CNTNAP4: variants seen among roughly 807,000 people sequenced by gnomAD.
CNTNAP4 encodes contactin associated protein family member 4, also known as contactin-associated protein-like 4.
CNTNAP4 carries 98 observed loss-of-function variants against 148.4 expected under a neutral mutation model. The observed-to-expected ratio is 0.66, with a 90% CI of 0.56 to 0.78. The LOEUF is 0.78. Among genes scored for constraint, CNTNAP4 ranks in the 30% least tolerant of loss-of-function variants. The probability of loss-of-function intolerance (pLI) is 0.00; values close to 1 mark genes in which losing one functional copy is unlikely to be tolerated. For synonymous variants in CNTNAP4, 730 were observed against 565.1 expected (o/e 1.29, Z -4.14); for missense variants, 1,935 against 1,565.6 (o/e 1.24, Z -3.98).
At chr16:76,345,849 T>A (rs1351661057) in intron 2 of CNTNAP4, among the ~76,000 whole-genome samples, 1 of 152,170 alleles carries the variant, frequency 6.6e-6, no homozygotes, top group African/African-American at 2.4e-5. Context: ...GGTCAGGAGC[T>A]TAAAGTCAGA....
At chr16:76,548,904 T>C (rs1306342262) in intron 21 of CNTNAP4, among the ~76,000 whole-genome samples, 2 of 152,236 alleles carry the variant, frequency 1.3e-5, no homozygotes, top group African/African-American at 4.8e-5. Context: ...GCTATGTATT[T>C]CTAAGGCCAG....
chr16:76,412,165 A>G (rs2078821272), intron 3 of CNTNAP4, among the ~76,000 whole-genome samples: 1 of 151,520 alleles, frequency 6.6e-6, no homozygotes, highest in African/African-American at 2.4e-5. Context: ...AATGTCCTAC[A>G]GTAATGAAAA....
chr16:76,480,036 A>T (rs1029033204), intron 12 of CNTNAP4, among the ~76,000 whole-genome samples: 1 of 152,160 alleles, frequency 6.6e-6, no homozygotes, highest in Non-Finnish European at 1.5e-5. Context: ...TTTACAGCCT[A>T]TATTAGTTTA....
intron 2 of CNTNAP4, among the ~76,000 whole-genome samples, chr16:76,346,492 T>G (rs1026749712): frequency 6.6e-6 from 1 of 150,756 alleles, no homozygotes; most frequent in Admixed American, 6.6e-5. Context: ...ATTTCTGGGA[T>G]ATTGCCAGTA....
intron 14 of CNTNAP4, among the ~76,000 whole-genome samples, chr16:76,496,717 A>G (rs1347524724): frequency 6.6e-6 from 1 of 152,210 alleles, no homozygotes; most frequent in Non-Finnish European, 1.5e-5. Flanking sequence ...ATCTTTAAAG[A>G]ATAACAAAAG....
chr16:76,303,999 C>T (rs1224651808), intron 1 of CNTNAP4, among the ~76,000 whole-genome samples: 4 of 152,042 alleles, frequency 2.6e-5, no homozygotes, highest in Non-Finnish European at 4.4e-5. Context: ...CACTTTTATT[C>T]AGTTCACTTT....
chr16:76,326,565 T>G (rs896140495), intron 2 of CNTNAP4, among the ~76,000 whole-genome samples: 1 of 152,026 alleles, frequency 6.6e-6, no homozygotes, highest in African/African-American at 2.4e-5. Context: ...CCAACAATGA[T>G]AGACTGGATT....
intron 1 of CNTNAP4, 85 bp downstream of exon 1, chr16:76,277,832 A>G: frequency 1.1e-6 from 1 of 875,730 alleles, no homozygotes; most frequent in Admixed American, 2.0e-5. Flanking sequence ...GATTATTTGC[A>G]GCTGGGATTG....
At chr16:76,437,001 T>C (rs2079857184) in intron 4 of CNTNAP4, among the ~76,000 whole-genome samples, 2 of 80,314 alleles carry the variant, frequency 2.5e-5, no homozygotes, top group Admixed American at 1.3e-4. Context: ...ATCTAGGAGT[T>C]TATTAAGGAG....
At chr16:76,391,764 C>G (rs4511566) in intron 3 of CNTNAP4, among the ~76,000 whole-genome samples, 59,398 of 151,972 alleles carry the variant, frequency 0.39, 11,848 homozygotes, top group Middle Eastern at 0.51. Context: ...ATGTGTGGTT[C>G]TAGCATCAGC....
chr16:76,431,637 C>G (rs1052726766), intron 4 of CNTNAP4, among the ~76,000 whole-genome samples: 2 of 152,062 alleles, frequency 1.3e-5, no homozygotes, highest in Admixed American at 6.5e-5. Context: ...CGAAATCATC[C>G]CACTGCACTT....
chr16:76,320,185 TA>T (rs548545419), intron 2 of CNTNAP4, among the ~76,000 whole-genome samples: 1 of 152,134 alleles, frequency 6.6e-6, no homozygotes, highest in South Asian at 2.1e-4. Context: ...CAATCCTTGT[TA>T]AAAAGTGGTA....
At chr16:76,336,734 A>G (rs955669516) in intron 2 of CNTNAP4, among the ~76,000 whole-genome samples, 1 of 152,222 alleles carries the variant, frequency 6.6e-6, no homozygotes, top group African/African-American at 2.4e-5. Context: ...GTAAGAATAT[A>G]TATTCCAAGT....
chr16:76,309,832 G>A (rs894409938), intron 1 of CNTNAP4: 2 of 700,290 alleles, frequency 2.9e-6, no homozygotes, highest in East Asian at 2.7e-5. Flanking sequence ...TTGCTCAGGG[G>A]TTTCCGCTTT....
chr16:76,393,434 T>C (rs2078094344), intron 3 of CNTNAP4, among the ~76,000 whole-genome samples: 1 of 152,184 alleles, frequency 6.6e-6, no homozygotes, highest in Non-Finnish European at 1.5e-5. Flanking sequence ...TTTTGGAATT[T>C]ATATATTCAT....
chr16:76,447,355 A>ATT, intron 4 of CNTNAP4, among the ~76,000 whole-genome samples: 1 of 82,666 alleles, frequency 1.2e-5, no homozygotes, highest in East Asian at 3.3e-4. Flanking sequence ...TATATATGAA[A>ATT]TTATATATAT....
At chr16:76,437,317 C>A (rs2079868304) in intron 4 of CNTNAP4, among the ~76,000 whole-genome samples, 1 of 152,078 alleles carries the variant, frequency 6.6e-6, no homozygotes. Flanking sequence ...CAGACACACC[C>A]AGGATCAATA....
chr16:76,543,848 C>A (rs947520604), intron 21 of CNTNAP4, among the ~76,000 whole-genome samples: 1 of 152,150 alleles, frequency 6.6e-6, no homozygotes, highest in Admixed American at 6.5e-5. Context: ...CCCTGTAGTT[C>A]GTGGTCTTTG....
At chr16:76,295,075 G>A (rs945984913) in intron 1 of CNTNAP4, among the ~76,000 whole-genome samples, 5 of 152,156 alleles carry the variant, frequency 3.3e-5, no homozygotes, top group African/African-American at 1.2e-4. Flanking sequence ...TCCTGGTCCT[G>A]TAGAAAAACA....
Sources: gnomAD v4.1 joint callset for allele counts (sites outside exome capture counted in the v4.1 genomes callset) on GRCh38, gnomAD v4.1.1 for gene constraint, MANE v1.5 for transcripts, NCBI Gene and HGNC (gene_info 2026-07-23, HGNC 2026-07-21) for gene names.